The following ASIC4 variants were observed in gnomAD, a reference collection of about 807,000 sequenced individuals.
ASIC4 encodes the protein acid-sensing ion channel 4.
A neutral mutation model predicts 53.4 loss-of-function variants in ASIC4; 28 were observed. That is an observed-to-expected ratio of 0.52 (90% CI 0.39 to 0.72). ASIC4 has a LOEUF of 0.72. Among genes scored for constraint, ASIC4 ranks in the 30% least tolerant of loss-of-function variants. The pLI is 0.00. For missense variants in ASIC4, 649 were observed against 729.7 expected (o/e 0.89, Z 1.27); for synonymous variants, 289 against 301.4 (o/e 0.96, Z 0.43).
At chr2:219,533,372 T>G in intron 5 of ASIC4, 1 of 259,374 alleles carries the variant, frequency 3.9e-6, no homozygotes. Context: ...GATTCGCGCA[T>G]TCTCCAGACC....
In ASIC4 at chr2:219,536,453, A is replaced by G. The variant is rs1048520751; in HGVS notation, c.1230-613A>G. 2.0e-5 allele frequency among the ~76,000 whole-genome samples: 3 copies of G among 152,318 alleles called. No individual in the cohort carries two copies. The highest frequency in any genetic ancestry group is 3.4e-3 in the Middle Eastern group (1 of 294). On this transcript the variant is annotated intron_variant, in intron 6 of 9. Coordinates refer to ENST00000358078, the MANE Select transcript of ASIC4 (RefSeq NM_018674.6). The surrounding 1 kb of genome is among the most constrained non-coding windows in gnomAD (Gnocchi z 4.6). ...ACAAAACTCATGCCACAATTTGTCA[A>G]TGAGCCCACGTTTGATCATGTAGGA...
Position 219,537,428 on chromosome 2 carries a change from G to A in ASIC4, c.1401+107G>A. The A allele has an allele frequency of 1.5e-6, 2 of 1,346,532 alleles. No individual in the cohort carries two copies. Among genetic ancestry groups the A allele is most frequent in the Non-Finnish European group, 2.1e-6 (2 of 969,712 alleles). 83.4% of individuals were successfully genotyped at this position (1,346,532 alleles called of 1,614,324 possible). A position where few individuals can be genotyped will look rare whatever the true frequency, so the allele number is the denominator to read the frequency against. On this transcript the variant is annotated intron_variant, in intron 8 of 9. Coordinates refer to ENST00000358078, the MANE Select transcript of ASIC4 (RefSeq NM_018674.6). This position sits in a 1 kb window ranked among gnomAD's most constrained non-coding sequence, Gnocchi z 4.9. ...TGGCCTGGCTGGAAAGTCAGGTTCA[G>A]GGTTCTCTGCCAGGGTCCCCTGACT...
Position 219,538,121 on chromosome 2 carries a change from G to A in ASIC4, c.*75G>A. 2 of 1,289,714 alleles carry A rather than the reference G, an allele frequency of 1.6e-6. No homozygotes were observed. Among genetic ancestry groups the A allele is most frequent in the Non-Finnish European group, 2.2e-6 (2 of 908,824 alleles). 79.9% of individuals were successfully genotyped at this position (1,289,714 alleles called of 1,614,324 possible). ...TCCCCAGCACATTCTCCTGCTCCTG[G>A]GAGAGGCCTGGGGGCGGTGCTCACT... is the stretch of plus-strand genomic sequence containing the variant. On this transcript the variant is annotated 3_prime_UTR_variant, in exon 10 of 10. Coordinates refer to ENST00000358078, the MANE Select transcript of ASIC4 (RefSeq NM_018674.6).
Position 219,537,741 on chromosome 2 carries a change from G to C in ASIC4, c.1506+5G>C. The C allele has an allele frequency of 6.2e-7, 1 of 1,612,022 alleles. No homozygotes were observed. The highest frequency in any genetic ancestry group is 8.5e-7 in the Non-Finnish European group (1 of 1,178,916). On this transcript the variant is annotated splice_donor_5th_base_variant and intron_variant, in intron 9 of 9. Transcript: ENST00000358078. This position sits in a 1 kb window ranked among gnomAD's most constrained non-coding sequence, Gnocchi z 4.9. ...CTTCAGGAGCTGAAGGAACAGGTGA[G>C]GACAAGCTCTAAATGCCTGCAGCAT... is the stretch of plus-strand genomic sequence containing the variant.
Position 219,537,503 on chromosome 2 carries a change from G to T in ASIC4, c.1402-129G>T. ...GTCAGGAGAAGGGGATGGGTGAGGA[G>T]GAGGAGGGTGTCCTACTGGGAGTTT... is the stretch of plus-strand genomic sequence containing the variant. On this transcript the variant is annotated intron_variant, in intron 8 of 9. Transcript: ENST00000358078. This position sits in a 1 kb window ranked among gnomAD's most constrained non-coding sequence, Gnocchi z 4.9. The T allele has an allele frequency of 9.7e-7, 1 of 1,026,874 alleles. No homozygotes were observed. Among genetic ancestry groups the T allele is most frequent in the South Asian group, 1.5e-5 (1 of 64,656 alleles). The allele number at this position is 1,026,874 out of a possible 1,614,324, so 63.6% of individuals were successfully genotyped here.
In ASIC4 at chr2:219,532,415, G is replaced by C. The variant is rs370439074; in HGVS notation, c.956G>C (p.Arg319Pro). 1.9e-6 allele frequency: 3 copies of C among 1,614,006 alleles called. No homozygotes were observed. Among genetic ancestry groups the C allele is most frequent in the South Asian group, 1.1e-5 (1 of 91,078 alleles). Reference sequence around the variant, plus strand: ...TCGGCCTACAGTGTGTCTGCCTGCCGGCTGCGCTGTGAAAAGGAGGCCGTG... The same window carrying C: ...TCGGCCTACAGTGTGTCTGCCTGCCCGCTGCGCTGTGAAAAGGAGGCCGTG... Reference protein sequence around the residue: ...GYSAYSVSACRLRCEKEAVLQ... With the variant: ...GYSAYSVSACPLRCEKEAVLQ... Residue 319 changes from arginine to proline, a missense_variant, in exon 4 of 10, where the codon CGG becomes CCG. Coordinates refer to ENST00000358078, the MANE Select transcript of ASIC4 (RefSeq NM_018674.6).
chr2:219,521,765 G>A (rs1047589162), intron 1 of ASIC4, among the ~76,000 whole-genome samples: 2 of 151,994 alleles, frequency 1.3e-5, no homozygotes, highest in Non-Finnish European at 2.9e-5. Context: ...AGTATTCCTT[G>A]CCCTTCCAGG....
intron 4 of ASIC4, 64 bp downstream of exon 4, chr2:219,532,541 C>A (rs1189611768): frequency 6.4e-7 from 1 of 1,564,298 alleles, no homozygotes. Context: ...CCTCCCGGGG[C>A]AAGGCACTGC....
chr2:219,537,748 C>T lies in ASIC4; in HGVS notation c.1506+12C>T, dbSNP rs775461152. The T allele has an allele frequency of 6.2e-7, 1 of 1,608,756 alleles. No homozygotes were observed. The highest frequency in any genetic ancestry group is 8.5e-7 in the Non-Finnish European group (1 of 1,176,786). On this transcript the variant is annotated intron_variant, in intron 9 of 9. Coordinates refer to ENST00000358078, the MANE Select transcript of ASIC4 (RefSeq NM_018674.6). This position sits in a 1 kb window ranked among gnomAD's most constrained non-coding sequence, Gnocchi z 4.9. ...AGCTGAAGGAACAGGTGAGGACAAG[C>T]TCTAAATGCCTGCAGCATGCAGCCA...
chr2:219,513,925 C>T (rs1308710364), upstream of ASIC4, among the ~76,000 whole-genome samples: 3 of 152,182 alleles, frequency 2.0e-5, no homozygotes, highest in Admixed American at 1.3e-4. Context: ...CCCTCCTCTG[C>T]CCCCCTCCCT....
chr2:219,527,660 C>T (rs1694981121), intron 1 of ASIC4, among the ~76,000 whole-genome samples: 1 of 152,180 alleles, frequency 6.6e-6, no homozygotes, highest in Non-Finnish European at 1.5e-5. Context: ...TGCTGTGTGC[C>T]CTTAGCCAAG....
At chr2:219,531,947 C>G (rs746400183) in intron 2 of ASIC4, 45 bp downstream of exon 2, 23 of 1,612,588 alleles carry the variant, frequency 1.4e-5, no homozygotes, top group African/African-American at 1.2e-4. Flanking sequence ...GGGACTGGGG[C>G]CTGGGCCCTC....
At chr2:219,515,670 C>G (rs1029840611) in intron 1 of ASIC4, among the ~76,000 whole-genome samples, 1 of 152,240 alleles carries the variant, frequency 6.6e-6, no homozygotes, top group African/African-American at 2.4e-5. Flanking sequence ...CTGACTCTCA[C>G]TTTTCTCTTG....
At chr2:219,529,681 A>T (rs1300117258) in intron 1 of ASIC4, among the ~76,000 whole-genome samples, 1 of 152,106 alleles carries the variant, frequency 6.6e-6, no homozygotes, top group African/African-American at 2.4e-5. Context: ...ACGTCACTTC[A>T]CTTCTCTGAG....
intron 5 of ASIC4, among the ~76,000 whole-genome samples, chr2:219,534,764 G>GCCATCCATCCAT (rs56026817): frequency 2.4e-4 from 36 of 151,092 alleles, no homozygotes; most frequent in African/African-American, 8.1e-4. Context: ...CTGGCCATCT[G>GCCATCCATCCAT]CCATCCATCC....
intron 1 of ASIC4, among the ~76,000 whole-genome samples, chr2:219,524,113 G>T (rs1421329717): frequency 6.6e-6 from 1 of 152,180 alleles, no homozygotes; most frequent in East Asian, 1.9e-4. Flanking sequence ...GTGAGCCACC[G>T]TGCCTAGCCC....
upstream of ASIC4, among the ~76,000 whole-genome samples, chr2:219,513,177 C>G (rs1694723840): frequency 6.6e-6 from 1 of 152,082 alleles, no homozygotes; most frequent in Non-Finnish European, 1.5e-5. Flanking sequence ...GGAGCCACCT[C>G]CCCCCGCCCG....
rs1694758519 is a variant in ASIC4 at position 219,514,909 on chromosome 2, C to T, written c.185C>T (p.Pro62Leu). The T allele has an allele frequency of 3.7e-6, 6 of 1,613,002 alleles. No homozygotes were observed. Among genetic ancestry groups the T allele is most frequent in the Non-Finnish European group, 5.1e-6 (6 of 1,179,880 alleles). Residue 62 changes from proline (P) to leucine (L), a missense_variant, in exon 1 of 10, where the codon CCC (proline) becomes CTC (leucine). Coordinates refer to ENST00000358078, the MANE Select transcript of ASIC4 (RefSeq NM_018674.6). The stretch of plus-strand genomic sequence containing the variant: ...CTGGGCCGGGCCTGTGGCCCAGGCC[C>T]CCACGGACTGCGCAGAACCCTGTGG... ...HGLGRACGPG[P>L]HGLRRTLWAL...
At position 219,514,825 on chromosome 2, in the gene ASIC4, C is replaced by G. The variant is rs759371351; in HGVS notation, c.101C>G (p.Ala34Gly). ...GDEQSLLGAV[A>G]PGAAPRDLAT... ...GAGCAGAGCCTCCTCGGGGCTGTTG[C>G]CCCTGGAGCAGCCCCCCGAGACCTG... The change falls in exon 1 of 10, where the codon GCC (alanine) becomes GGC (glycine). Residue 34 changes from alanine (A) to glycine (G), a missense_variant. Ala to Gly is a moderately conservative substitution (Grantham distance 60). Transcript: ENST00000358078. The G allele has an allele frequency of 3.0e-5, 48 of 1,613,152 alleles. No homozygotes were observed. The highest frequency in any genetic ancestry group is 4.1e-5 in the Non-Finnish European group (48 of 1,179,938).
Sources: gnomAD v4.1 joint callset for allele counts (sites outside exome capture counted in the v4.1 genomes callset) on GRCh38, gnomAD v4.1.1 for gene constraint, Gnocchi (gnomAD v3.1) non-coding constraint, MANE v1.5 for transcripts, NCBI Gene and HGNC (gene_info 2026-07-23, HGNC 2026-07-21) for gene names.